GPSM2: variants seen among roughly 807,000 people sequenced by gnomAD.
GPSM2 encodes G protein signaling modulator 2.
GPSM2 carries 58 observed loss-of-function variants against 78.4 expected under a neutral mutation model. The observed-to-expected ratio is 0.74, with a 90% CI of 0.60 to 0.92. The LOEUF (loss-of-function observed/expected upper bound fraction) is 0.92. GPSM2 is among the 40% of genes least tolerant of loss of function. The pLI is 0.00. For missense variants in GPSM2, 700 were observed against 815.5 expected (o/e 0.86, Z 1.73); for synonymous variants, 224 against 280.2 (o/e 0.80, Z 2.00).
chr1:108,893,260 C>T (rs1439440502), intron 2 of GPSM2, among the ~76,000 whole-genome samples: 1 of 152,130 alleles, frequency 6.6e-6, no homozygotes, highest in African/African-American at 2.4e-5. Context: ...TTTATACTTC[C>T]GATTTTTAAA....
At chr1:108,890,761 T>A (rs924467447) in intron 2 of GPSM2, among the ~76,000 whole-genome samples, 4 of 152,148 alleles carry the variant, frequency 2.6e-5, no homozygotes, top group Admixed American at 2.6e-4. Flanking sequence ...AATTTGTAAT[T>A]TTGAATGGAA....
intron 8 of GPSM2, among the ~76,000 whole-genome samples, chr1:108,902,723 G>A (rs148033731): frequency 6.6e-6 from 1 of 152,280 alleles, no homozygotes; most frequent in Admixed American, 6.5e-5. Context: ...CGATGCAGAT[G>A]TTCAAAATGA....
At position 108,931,215 on chromosome 1, in the gene GPSM2, C is replaced by A; in HGVS notation, c.*1275C>A. On this transcript the variant is annotated 3_prime_UTR_variant, in exon 15 of 15. Transcript: ENST00000264126. ...AGGTCAAGAACCTAGGACACATAAA[C>A]AAACAGAAAACAGATGAAAACTCAC... 7.7e-7 allele frequency: 1 copy of A among 1,293,424 alleles called. No individual in the cohort carries two copies. The highest frequency in any genetic ancestry group is 1.0e-6 in the Non-Finnish European group (1 of 971,130). 80.1% of individuals were successfully genotyped at this position (1,293,424 alleles called of 1,614,324 possible).
chr1:108,927,295 T>G (rs1260808409), intron 14 of GPSM2, among the ~76,000 whole-genome samples: 5 of 152,156 alleles, frequency 3.3e-5, no homozygotes, highest in African/African-American at 9.7e-5. Context: ...ATAGAAAATA[T>G]AGCCTAAAAT....
At position 108,917,611 on chromosome 1, in the gene GPSM2, CATATATATATATATATATATATATAT is replaced by C. The variant is rs55909258; in HGVS notation, c.1264-972_1264-947del. On this transcript the variant is annotated intron_variant, in intron 11 of 14. Transcript: ENST00000264126. ...ACAAATGTATACACACACACACACA[CATATATATATATATATATATATATAT>C]ATATATATATATATATATATATATA... Among the ~76,000 whole-genome samples, 166 of 22,724 alleles carry C rather than the reference CATATATATATATATATATATATATAT, an allele frequency of 7.3e-3. 6 individuals are homozygous for C. The highest frequency in any genetic ancestry group is 8.4e-3 in the South Asian group (7 of 830). The allele number at this position is 22,724 out of a possible 152,430, so 14.9% of individuals were successfully genotyped here.
chr1:108,883,392 G>A (rs1462664727), intron 1 of GPSM2, among the ~76,000 whole-genome samples: 3 of 152,214 alleles, frequency 2.0e-5, no homozygotes, highest in South Asian at 4.1e-4. Flanking sequence ...GTATATGGCA[G>A]CAGAAGGAAG....
chr1:108,923,931 G>T (rs1335826777), intron 13 of GPSM2, 69 bp from the exon 14 acceptor site: 1 of 1,126,070 alleles, frequency 8.9e-7, no homozygotes, highest in Non-Finnish European at 1.4e-6. Context: ...TATAATAAAT[G>T]TGCCTAGGTT....
At position 108,929,995 on chromosome 1, in the gene GPSM2, C is replaced by CTTT; in HGVS notation, c.*59_*61dup. On this transcript the variant is annotated 3_prime_UTR_variant, in exon 15 of 15. Transcript: ENST00000264126. ...AACACGGTAAGGAAACAATCTATTACTTTTTTCCTTAAAAGGAGAATTTAT... is the reference window on the plus strand; with the variant it reads ...AACACGGTAAGGAAACAATCTATTACTTTTTTTTTCCTTAAAAGGAGAATTTAT... 1 of 1,506,644 alleles carries CTTT rather than the reference C, an allele frequency of 6.6e-7. No individual in the cohort carries two copies. Among genetic ancestry groups the CTTT allele is most frequent in the Non-Finnish European group, 9.2e-7 (1 of 1,089,742 alleles). 93.3% of individuals were successfully genotyped at this position (1,506,644 alleles called of 1,614,324 possible).
At position 108,929,898 on chromosome 1, in the gene GPSM2, G is replaced by A; in HGVS notation, c.2013G>A (p.Leu671=). The change falls in exon 15 of 15, where the codon TTG becomes TTA. Residue 671 remains leucine (L), a synonymous_variant. Coordinates refer to ENST00000264126, the MANE Select transcript of GPSM2 (RefSeq NM_013296.5). ...AGGACTTTTTGCAAAATAATGCTTT[G>A]TTGGAGTTTAAAAATTCAGGGAAAA... ...GLKDFLQNNA[L]LEFKNSGKKS... The A allele has an allele frequency of 3.7e-6, 6 of 1,613,654 alleles. No homozygotes were observed. The highest frequency in any genetic ancestry group is 5.1e-6 in the Non-Finnish European group (6 of 1,179,652).
chr1:108,885,590 G>A lies in GPSM2; in HGVS notation c.56+12G>A, dbSNP rs1416595582. 3 of 1,499,354 alleles carry A rather than the reference G, an allele frequency of 2.0e-6. No homozygotes were observed. The highest frequency in any genetic ancestry group is 9.3e-7 in the Non-Finnish European group (1 of 1,075,594). The allele number at this position is 1,499,354 out of a possible 1,614,324, so 92.9% of individuals were successfully genotyped here. ...CATGTTCGTTACAGGTAAGACTATT[G>A]CTGTCTTAATGGATGACTTTTAATC... On this transcript the variant is annotated intron_variant, in intron 2 of 14. Coordinates refer to ENST00000264126, the MANE Select transcript of GPSM2 (RefSeq NM_013296.5).
Position 108,901,908 on chromosome 1 carries a change from C to T in GPSM2, c.916C>T (p.Leu306=), listed in dbSNP as rs1176678122. ...CTATGAAAAGGCCATTGATTATCAT[C>T]TGAAGCACTTAGCAATTGCTCAAGA... ...QDYEKAIDYH[L]KHLAIAQELN... Residue 306 remains leucine (L), a synonymous_variant, in exon 8 of 15, where the codon CTG becomes TTG. Coordinates refer to ENST00000264126, the MANE Select transcript of GPSM2 (RefSeq NM_013296.5). 6.2e-7 allele frequency: 1 copy of T among 1,611,550 alleles called. No individual in the cohort carries two copies. The highest frequency in any genetic ancestry group is 1.3e-5 in the African/African-American group (1 of 74,884).
At position 108,925,089 on chromosome 1, in the gene GPSM2, T is replaced by C. The variant is rs1437756060; in HGVS notation, c.1815+875T>C. Among the ~76,000 whole-genome samples, 3 of 152,214 alleles carry C rather than the reference T, an allele frequency of 2.0e-5. No individual in the cohort carries two copies. In the East Asian group the frequency reaches 5.8e-4, roughly 29 times the overall value. ...ATGGTTAGTTGGCAGGACCTCTTAATAAATTGAGTAGAGGGTTTCAGGGAA... is the reference window on the plus strand; with the variant it reads ...ATGGTTAGTTGGCAGGACCTCTTAACAAATTGAGTAGAGGGTTTCAGGGAA... On this transcript the variant is annotated intron_variant, in intron 14 of 14. Coordinates refer to ENST00000264126, the MANE Select transcript of GPSM2 (RefSeq NM_013296.5).
chr1:108,878,416 G>A (rs1253300958), intron 1 of GPSM2, among the ~76,000 whole-genome samples: 3 of 152,076 alleles, frequency 2.0e-5, no homozygotes, highest in African/African-American at 7.2e-5. Context: ...TGTTGTAGAG[G>A]CATGTCTCCA....
rs928543891 is a variant in GPSM2 at position 108,932,089 on chromosome 1, A to G, written c.*2149A>G. 1 of 151,896 alleles carries G rather than the reference A, an allele frequency of 6.6e-6. No homozygotes were observed. Among genetic ancestry groups the G allele is most frequent in the Non-Finnish European group, 1.5e-5 (1 of 68,080 alleles). 9.4% of individuals were successfully genotyped at this position (151,896 alleles called of 1,614,324 possible). A position where few individuals can be genotyped will look rare whatever the true frequency, so the allele number is the denominator to read the frequency against. On this transcript the variant is annotated 3_prime_UTR_variant, in exon 15 of 15. Transcript: ENST00000264126. ...GGAGTTCGAGACCAGCCTGACCAAC[A>G]TGGTGAAACCCCATCTCTACTAAAA... is the stretch of plus-strand genomic sequence containing the variant.
chr1:108,897,757 G>A, intron 4 of GPSM2, 130 bp downstream of exon 4: 1 of 981,152 alleles, frequency 1.0e-6, no homozygotes, highest in South Asian at 1.7e-5. Flanking sequence ...TAGACTAATA[G>A]AAGTAAAAGA....
intron 14 of GPSM2, among the ~76,000 whole-genome samples, chr1:108,925,049 T>TATCA (rs1219481345): frequency 6.6e-6 from 1 of 152,218 alleles, no homozygotes; most frequent in Non-Finnish European, 1.5e-5. Context: ...TTAGCTATTA[T>TATCA]ATCAGTTATA....
intron 10 of GPSM2, among the ~76,000 whole-genome samples, chr1:108,906,574 T>C (rs939445867): frequency 1.4e-4 from 20 of 139,508 alleles, no homozygotes; most frequent in African/African-American, 4.2e-4. Flanking sequence ...TTTTTTTTTT[T>C]CTAAATTAAA....
At chr1:108,921,840 TTATAA>T (rs753583125) in intron 12 of GPSM2, among the ~76,000 whole-genome samples, 46 of 152,180 alleles carry the variant, frequency 3.0e-4, no homozygotes, top group African/African-American at 4.3e-4. Flanking sequence ...TGTGCCTCTA[TTATAA>T]TATATCATTA....
intron 12 of GPSM2, among the ~76,000 whole-genome samples, chr1:108,920,332 G>A (rs749286681): frequency 3.4e-4 from 51 of 152,100 alleles, no homozygotes; most frequent in Non-Finnish European, 6.0e-4. Flanking sequence ...AGCTGGGCGT[G>A]TTGGCACATG....
Sources: gnomAD v4.1 joint callset for allele counts (sites outside exome capture counted in the v4.1 genomes callset) on GRCh38, gnomAD v4.1.1 for gene constraint, MANE v1.5 for transcripts, NCBI Gene and HGNC (gene_info 2026-07-23, HGNC 2026-07-21) for gene names.